The following GABPB2 variants were observed in gnomAD, a reference collection of about 807,000 sequenced individuals.
GABPB2 encodes the protein GA-binding protein subunit beta-2.
GABPB2 carries 23 observed loss-of-function variants against 39.1 expected under a neutral mutation model. That is an observed-to-expected ratio of 0.59 (90% CI 0.42 to 0.83). GABPB2 has a LOEUF of 0.83. GABPB2 is among the 40% of genes least tolerant of loss of function. The probability of loss-of-function intolerance (pLI) is 0.00; values close to 1 mark genes in which losing one functional copy is unlikely to be tolerated. For synonymous variants in GABPB2, 184 were observed against 199.3 expected (o/e 0.92, Z 0.65); for missense variants, 467 against 541.1 (o/e 0.86, Z 1.36).
At chr1:151,084,660 G>A (rs966207943) in intron 1 of GABPB2, among the ~76,000 whole-genome samples, 1 of 145,856 alleles carries the variant, frequency 6.9e-6, no homozygotes, top group Admixed American at 7.1e-5. Flanking sequence ...TCAGCCTCCC[G>A]AGTAGCTGGG....
At chr1:151,110,794 A>C (rs1467585067) in intron 7 of GABPB2, among the ~76,000 whole-genome samples, 2 of 152,138 alleles carry the variant, frequency 1.3e-5, no homozygotes, top group African/African-American at 4.8e-5. Flanking sequence ...TTAAGGCCCA[A>C]AGAAGGAAAA....
intron 2 of GABPB2, among the ~76,000 whole-genome samples, 162 bp from the exon 3 acceptor site, chr1:151,090,244 C>T (rs1678557174): frequency 6.6e-6 from 1 of 152,118 alleles, no homozygotes; most frequent in South Asian, 2.1e-4. Context: ...GCACCTGGCC[C>T]CTGGCCTTTA....
chr1:151,087,869 T>C (rs1186887887), intron 1 of GABPB2, among the ~76,000 whole-genome samples: 1 of 152,154 alleles, frequency 6.6e-6, no homozygotes. Flanking sequence ...TAAAATAATA[T>C]TGTACCCTTC....
intron 1 of GABPB2, among the ~76,000 whole-genome samples, chr1:151,081,646 T>A (rs1310715424): frequency 6.6e-6 from 1 of 152,224 alleles, no homozygotes; most frequent in African/African-American, 2.4e-5. Context: ...ATTTATTTTT[T>A]TTTTTTTAGA....
At chr1:151,099,902 A>G (rs1301655403) in intron 5 of GABPB2, among the ~76,000 whole-genome samples, 1 of 152,212 alleles carries the variant, frequency 6.6e-6, no homozygotes, top group African/African-American at 2.4e-5. Flanking sequence ...GGTCCATTTT[A>G]TAGTAGGGCT....
At position 151,124,746 on chromosome 1, in the gene GABPB2, T is replaced by C. The variant is rs1305304776; in HGVS notation, c.*6490T>C. The C allele has an allele frequency of 6.6e-6, 1 of 152,182 alleles. No individual in the cohort carries two copies. The highest frequency in any genetic ancestry group is 1.5e-5 in the Non-Finnish European group (1 of 68,044). 9.4% of individuals were successfully genotyped at this position (152,182 alleles called of 1,614,324 possible). A position where few individuals can be genotyped will look rare whatever the true frequency, so the allele number is the denominator to read the frequency against. ...GGCTCTTATCTGTCTCTATTTTATGTGGTGACTATATCTCAGAAGTACTAC... is the reference window on the plus strand; with the variant it reads ...GGCTCTTATCTGTCTCTATTTTATGCGGTGACTATATCTCAGAAGTACTAC... On this transcript the variant is annotated 3_prime_UTR_variant, in exon 9 of 9. Coordinates refer to ENST00000368918, the MANE Select transcript of GABPB2 (RefSeq NM_144618.3).
intron 1 of GABPB2, among the ~76,000 whole-genome samples, chr1:151,084,502 A>G (rs982380171): frequency 3.4e-5 from 5 of 147,468 alleles, no homozygotes; most frequent in Non-Finnish European, 7.4e-5. Context: ...CTGGGATTAC[A>G]GTCATGAGCC....
Position 151,103,694 on chromosome 1 carries a change from G to A in GABPB2, c.736+19G>A, listed in dbSNP as rs924112846. 13 of 1,487,324 alleles carry A rather than the reference G, an allele frequency of 8.7e-6. No homozygotes were observed. The highest frequency in any genetic ancestry group is 1.2e-5 in the Non-Finnish European group (13 of 1,066,972). 92.1% of individuals were successfully genotyped at this position (1,487,324 alleles called of 1,614,324 possible). On this transcript the variant is annotated intron_variant, in intron 6 of 8. Coordinates refer to ENST00000368918, the MANE Select transcript of GABPB2 (RefSeq NM_144618.3). The stretch of plus-strand genomic sequence containing the variant: ...GCCACAGGTAGGTAAGGGATATGCT[G>A]CTGGGTGAATCACCACTTTTTCTTT...
chr1:151,114,443 T>G (rs7522302), intron 7 of GABPB2, among the ~76,000 whole-genome samples: 16,516 of 152,200 alleles, frequency 0.11, 1,048 homozygotes, highest in Non-Finnish European at 0.14. Context: ...CCGGGCTCAG[T>G]GGCTCACACA....
At chr1:151,082,357 G>A (rs771849743) in intron 1 of GABPB2, among the ~76,000 whole-genome samples, 1 of 143,776 alleles carries the variant, frequency 7.0e-6, no homozygotes. Flanking sequence ...GATTACATGC[G>A]TGAGCCACTG....
At chr1:151,108,912 C>T (rs587644885) in intron 7 of GABPB2, among the ~76,000 whole-genome samples, 1 of 152,222 alleles carries the variant, frequency 6.6e-6, no homozygotes, top group South Asian at 2.1e-4. Context: ...GGCACAATGG[C>T]TTACATATGT....
intron 4 of GABPB2, among the ~76,000 whole-genome samples, chr1:151,094,591 C>T (rs1428493379): frequency 2.6e-5 from 4 of 150,982 alleles, no homozygotes; most frequent in East Asian, 2.0e-4. Context: ...TCAGGTGATC[C>T]GCCTGCCTCG....
intron 1 of GABPB2, among the ~76,000 whole-genome samples, chr1:151,071,467 T>TTTTTTC (rs1357718167): frequency 1.4e-5 from 2 of 146,346 alleles, no homozygotes; most frequent in Admixed American, 6.8e-5. Flanking sequence ...TTTTTTTTTT[T>TTTTTTC]TTCAAAACTG....
rs1429612404 is a variant in GABPB2 at position 151,125,312 on chromosome 1, T to TC, written c.*7057dup. 1 of 152,166 alleles carries TC rather than the reference T, an allele frequency of 6.6e-6. No homozygotes were observed. Among genetic ancestry groups the TC allele is most frequent in the African/African-American group, 2.4e-5 (1 of 41,444 alleles). 9.4% of individuals were successfully genotyped at this position (152,166 alleles called of 1,614,324 possible). Reference sequence around the variant, plus strand: ...GTGGGGGGATGCGCCCAGACTGTTCTCACAATGTCCTCAGTTTTTCAGGTT... The same window carrying TC: ...GTGGGGGGATGCGCCCAGACTGTTCTCCACAATGTCCTCAGTTTTTCAGGTT... On this transcript the variant is annotated 3_prime_UTR_variant, in exon 9 of 9. Transcript: ENST00000368918.
At position 151,118,103 on chromosome 1, in the gene GABPB2, T is replaced by G. The variant is rs756425569; in HGVS notation, c.1194T>G (p.Asn398Lys). 1.2e-5 allele frequency: 19 copies of G among 1,613,922 alleles called. No homozygotes were observed. The Middle Eastern group carries it at 4.9e-4, about 42-fold the overall frequency. Reference sequence around the variant, plus strand: ...AGGCCATAGCCCGACAGCAGCCCAATGGAGTTGATTTCACCATGGTTGAAG... The same window carrying G: ...AGGCCATAGCCCGACAGCAGCCCAAGGGAGTTGATTTCACCATGGTTGAAG... ...KLEAIARQQP[N>K]GVDFTMVEEV... The change falls in exon 9 of 9, where the codon AAT becomes AAG. Residue 398 changes from asparagine (N) to lysine (K), a missense_variant. Asn to Lys is a moderately conservative substitution (Grantham distance 94). Coordinates refer to ENST00000368918, the MANE Select transcript of GABPB2 (RefSeq NM_144618.3).
intron 7 of GABPB2, among the ~76,000 whole-genome samples, chr1:151,110,005 ATTTTTTT>A (rs71577269): frequency 3.3e-5 from 2 of 60,762 alleles, no homozygotes; most frequent in African/African-American, 4.7e-5. Flanking sequence ...TGCCCAGCTA[ATTTTTTT>A]TTTTTTTTTT....
chr1:151,107,265 T>C, intron 7 of GABPB2, 43 bp downstream of exon 7: 1 of 1,344,044 alleles, frequency 7.4e-7, no homozygotes, highest in South Asian at 1.7e-5. Flanking sequence ...AAAGATATTT[T>C]AGATACTCCA....
intron 2 of GABPB2, 29 bp from the exon 3 acceptor site, chr1:151,090,377 G>C (rs1484399834): frequency 6.2e-7 from 1 of 1,605,358 alleles, no homozygotes; most frequent in Non-Finnish European, 8.5e-7. Context: ...GCACACAGTG[G>C]ATATTCAATG....
At chr1:151,116,200 T>C (rs1002660922) in intron 7 of GABPB2, among the ~76,000 whole-genome samples, 1 of 152,034 alleles carries the variant, frequency 6.6e-6, no homozygotes, top group Non-Finnish European at 1.5e-5. Flanking sequence ...GAGACCAGAC[T>C]GACCAACACG....
Sources: gnomAD v4.1 joint callset for allele counts (sites outside exome capture counted in the v4.1 genomes callset) on GRCh38, gnomAD v4.1.1 for gene constraint, MANE v1.5 for transcripts, NCBI Gene and HGNC (gene_info 2026-07-23, HGNC 2026-07-21) for gene names.